The following COBL variants were observed in gnomAD, a reference collection of about 807,000 sequenced individuals.
The protein encoded by COBL is protein cordon-bleu.
COBL carries 51 observed loss-of-function variants against 98.8 expected under a neutral mutation model. The ratio of observed to expected loss-of-function variants is 0.52; its 90% CI spans 0.41 to 0.65. COBL has a LOEUF of 0.65. COBL is among the 30% of genes least tolerant of loss of function. The pLI is 0.00. For synonymous variants in COBL, 634 were observed against 651.7 expected (o/e 0.97, Z 0.41); for missense variants, 1,617 against 1,617.5 (o/e 1.00, Z 0.01).
intron 1 of COBL, among the ~76,000 whole-genome samples, chr7:51,258,366 A>C (rs1797387486): frequency 6.6e-6 from 1 of 152,230 alleles, no homozygotes; most frequent in Non-Finnish European, 1.5e-5. Flanking sequence ...GGACCCTTGG[A>C]CAAATGGTAG....
chr7:51,262,026 G>A (rs1265222512), intron 1 of COBL, among the ~76,000 whole-genome samples: 2 of 152,224 alleles, frequency 1.3e-5, no homozygotes, highest in Non-Finnish European at 2.9e-5. Flanking sequence ...CAAGTCCAAA[G>A]CTGCCAGGAG....
At chr7:51,302,569 G>A (rs1419954464) in intron 1 of COBL, among the ~76,000 whole-genome samples, 5 of 124,342 alleles carry the variant, frequency 4.0e-5, no homozygotes, top group East Asian at 2.6e-4. Context: ...CAACAAGAGC[G>A]AAACTCCGTC....
intron 1 of COBL, among the ~76,000 whole-genome samples, chr7:51,299,057 G>C (rs1443406251): frequency 6.6e-6 from 1 of 152,206 alleles, no homozygotes; most frequent in Admixed American, 6.5e-5. Flanking sequence ...AAAGCCAAGG[G>C]GAGGTGTTGC....
At chr7:51,090,852 G>T (rs550466624) in intron 6 of COBL, among the ~76,000 whole-genome samples, 6 of 152,344 alleles carry the variant, frequency 3.9e-5, no homozygotes, top group Admixed American at 3.3e-4. Context: ...AAATAAGAGA[G>T]CTCAGAAGCT....
chr7:51,220,026 A>G, intron 1 of COBL, 82 bp from the exon 2 acceptor site: 2 of 1,364,136 alleles, frequency 1.5e-6, no homozygotes, highest in Non-Finnish European at 2.0e-6. Flanking sequence ...ACACATACTC[A>G]GGTCTGTCTT....
chr7:51,176,763 T>A (rs1788417974), intron 5 of COBL, among the ~76,000 whole-genome samples: 1 of 152,232 alleles, frequency 6.6e-6, no homozygotes, highest in African/African-American at 2.4e-5. Flanking sequence ...ACCTGACTCG[T>A]GGCTAAAATC....
intron 3 of COBL, among the ~76,000 whole-genome samples, chr7:51,191,819 A>T (rs933519727): frequency 6.6e-6 from 1 of 152,010 alleles, no homozygotes; most frequent in African/African-American, 2.4e-5. Context: ...TTTACTGATC[A>T]CTCTAATTGT....
intron 1 of COBL, among the ~76,000 whole-genome samples, chr7:51,264,206 A>C (rs1797967528): frequency 6.6e-6 from 1 of 152,134 alleles, no homozygotes; most frequent in African/African-American, 2.4e-5. Flanking sequence ...GCAAAAGCCC[A>C]TGTGTTGGGG....
At chr7:51,037,731 T>C (rs898601170) in intron 8 of COBL, among the ~76,000 whole-genome samples, 25 of 152,240 alleles carry the variant, frequency 1.6e-4, no homozygotes, top group African/African-American at 6.0e-4. Flanking sequence ...TGATGTTCCC[T>C]TTACAAGGTC....
intron 1 of COBL, among the ~76,000 whole-genome samples, chr7:51,257,490 T>C (rs923067980): frequency 6.6e-6 from 1 of 152,204 alleles, no homozygotes. Context: ...TTATAAATCA[T>C]GGAATTAATT....
At chr7:51,251,145 C>T (rs1796700958) in intron 1 of COBL, among the ~76,000 whole-genome samples, 1 of 152,052 alleles carries the variant, frequency 6.6e-6, no homozygotes, top group African/African-American at 2.4e-5. Context: ...TTAAAGGTCA[C>T]CTGAGTGGCA....
intron 1 of COBL, among the ~76,000 whole-genome samples, chr7:51,224,624 C>A (rs901803396): frequency 7.2e-5 from 11 of 152,018 alleles, no homozygotes; most frequent in African/African-American, 2.4e-4. Context: ...ACAGCATGCC[C>A]GGGCTAGGGA....
At chr7:51,181,827 GCCTT>G (rs1563005071) in intron 5 of COBL, among the ~76,000 whole-genome samples, 2 of 151,842 alleles carry the variant, frequency 1.3e-5, no homozygotes, top group Non-Finnish European at 2.9e-5. Flanking sequence ...CACTGACTGC[GCCTT>G]CACTGCTGTA....
chr7:51,119,530 C>T (rs1046716990), intron 6 of COBL, among the ~76,000 whole-genome samples: 2 of 152,174 alleles, frequency 1.3e-5, no homozygotes, highest in Non-Finnish European at 2.9e-5. Flanking sequence ...AAATTAGACA[C>T]TGCACCACGA....
At chr7:51,017,726 G>C (rs1312452704) in intron 12 of COBL, among the ~76,000 whole-genome samples, 158 bp from the exon 13 acceptor site, 1 of 152,100 alleles carries the variant, frequency 6.6e-6, no homozygotes, top group East Asian at 1.9e-4. Context: ...GCTGTGATCA[G>C]GGCTGTCCTC....
chr7:51,222,719 A>G (rs544620828), intron 1 of COBL, among the ~76,000 whole-genome samples: 7 of 149,734 alleles, frequency 4.7e-5, no homozygotes, highest in Admixed American at 2.0e-4. Context: ...TTTTCAGGGG[A>G]AAAAAAAAAA....
chr7:51,078,691 C>G (rs1793324794), intron 7 of COBL, among the ~76,000 whole-genome samples: 1 of 152,248 alleles, frequency 6.6e-6, no homozygotes, highest in African/African-American at 2.4e-5. Flanking sequence ...GCCTCTGACT[C>G]ATGGCCTCTC....
intron 2 of COBL, among the ~76,000 whole-genome samples, chr7:51,213,705 G>C (rs979228065): frequency 6.6e-6 from 1 of 152,148 alleles, no homozygotes; most frequent in Admixed American, 6.5e-5. Flanking sequence ...CAACTGAGGT[G>C]AGTAGGGGCC....
At chr7:51,054,847 A>G (rs1348460298) in intron 7 of COBL, among the ~76,000 whole-genome samples, 1 of 152,210 alleles carries the variant, frequency 6.6e-6, no homozygotes, top group Admixed American at 6.5e-5. Context: ...ATCACCCATG[A>G]TATGGCTGGA....
Sources: allele counts gnomAD v4.1 joint callset (sites outside exome capture counted in the v4.1 genomes callset), GRCh38; gene constraint gnomAD v4.1.1; transcripts MANE v1.5; gene names NCBI Gene and HGNC (gene_info 2026-07-23, HGNC 2026-07-21).